AFG2A: variants seen among roughly 807,000 people sequenced by gnomAD.
AFG2A encodes the protein AAA ATPase AFG2A, also known as ATPase family gene 2 protein homolog A.
the AFG2A span, among the ~76,000 whole-genome samples, chr4:123,189,577 G>A: frequency 6.6e-6 from 1 of 152,006 alleles, no homozygotes; most frequent in Admixed American, 6.6e-5. Context: ...CTTTGCTCAT[G>A]AATCTTAAGA....
chr4:123,081,543 A>T, the AFG2A span, among the ~76,000 whole-genome samples: 1 of 152,202 alleles, frequency 6.6e-6, no homozygotes, highest in East Asian at 1.9e-4. Context: ...ACTGAAGGAC[A>T]TCTTGGTTGC....
At chr4:123,290,442 T>C in the AFG2A span, among the ~76,000 whole-genome samples, 1 of 152,224 alleles carries the variant, frequency 6.6e-6, no homozygotes, top group Admixed American at 6.5e-5. Flanking sequence ...GCACCATTTA[T>C]TGAAAAAGGT....
chr4:122,961,921 C>A, the AFG2A span, among the ~76,000 whole-genome samples: 2 of 152,170 alleles, frequency 1.3e-5, no homozygotes, highest in African/African-American at 4.8e-5. Flanking sequence ...GATAATCAGT[C>A]CAATTCAGTG....
chr4:123,107,694 G>A, the AFG2A span, among the ~76,000 whole-genome samples: 1 of 152,234 alleles, frequency 6.6e-6, no homozygotes, highest in Non-Finnish European at 1.5e-5. Flanking sequence ...CCCCCAGGCT[G>A]TTTGTGCCAA....
chr4:122,974,914 A>G, the AFG2A span, among the ~76,000 whole-genome samples: 1 of 152,180 alleles, frequency 6.6e-6, no homozygotes, highest in Non-Finnish European at 1.5e-5. Context: ...TGGTGGGATT[A>G]CAGGCATGAG....
chr4:123,201,592 C>T, the AFG2A span, among the ~76,000 whole-genome samples: 7 of 152,014 alleles, frequency 4.6e-5, no homozygotes, highest in East Asian at 7.7e-4. Flanking sequence ...AAATAGTGGC[C>T]GAGTTAATCT....
chr4:123,086,314 G>GT, the AFG2A span, among the ~76,000 whole-genome samples: 2 of 151,996 alleles, frequency 1.3e-5, no homozygotes, highest in African/African-American at 2.4e-5. Context: ...ACATTGGTGG[G>GT]TTTTTTTCTC....
chr4:123,254,988 G>T, the AFG2A span, among the ~76,000 whole-genome samples: 1 of 151,578 alleles, frequency 6.6e-6, no homozygotes, highest in Non-Finnish European at 1.5e-5. Flanking sequence ...TTTTTAAATG[G>T]AGTCTTATTC....
the AFG2A span, among the ~76,000 whole-genome samples, chr4:123,196,056 A>G: frequency 6.7e-6 from 1 of 150,350 alleles, no homozygotes; most frequent in Non-Finnish European, 1.5e-5. Context: ...GCTGGAGTGC[A>G]GTGGTGCATT....
the AFG2A span, among the ~76,000 whole-genome samples, chr4:122,997,729 A>C: frequency 2.0e-5 from 3 of 152,176 alleles, no homozygotes; most frequent in Non-Finnish European, 4.4e-5. Context: ...TATTTTCCAA[A>C]GTATCTGTAC....
At chr4:123,173,169 A>G in the AFG2A span, among the ~76,000 whole-genome samples, 1 of 151,948 alleles carries the variant, frequency 6.6e-6, no homozygotes, top group Non-Finnish European at 1.5e-5. Flanking sequence ...CTCCTGTCTC[A>G]TATGGATGCT....
chr4:123,104,734 C>G, the AFG2A span, among the ~76,000 whole-genome samples: 147 of 152,336 alleles, frequency 9.6e-4, no homozygotes, highest in Admixed American at 2.6e-4. Flanking sequence ...ATCAAACCAA[C>G]TACAGCATTC....
chr4:123,156,002 G>A, the AFG2A span, among the ~76,000 whole-genome samples: 1 of 152,304 alleles, frequency 6.6e-6, no homozygotes, highest in South Asian at 2.1e-4. Context: ...TCTGCAGGCT[G>A]TACAGGAAGC....
the AFG2A span, among the ~76,000 whole-genome samples, chr4:123,313,417 G>A: frequency 6.6e-6 from 1 of 152,218 alleles, no homozygotes. Context: ...TGAAAGGAAT[G>A]TGGAAACTCT....
chr4:123,028,158 T>G, the AFG2A span: 1 of 1,594,792 alleles, frequency 6.3e-7, no homozygotes, highest in Non-Finnish European at 8.6e-7. Context: ...TGGCAAAACT[T>G]ATATTTGGAA....
chr4:123,189,396 T>G, the AFG2A span, among the ~76,000 whole-genome samples: 42 of 152,332 alleles, frequency 2.8e-4, no homozygotes, highest in African/African-American at 1.0e-3. Context: ...TCTCATAAAT[T>G]GTTTCCTAGA....
chr4:123,127,466 A>C, the AFG2A span, among the ~76,000 whole-genome samples: 1 of 152,158 alleles, frequency 6.6e-6, no homozygotes, highest in Non-Finnish European at 1.5e-5. Context: ...TACTTTATAT[A>C]ATCAGTTTGT....
At chr4:123,171,895 T>C in the AFG2A span, among the ~76,000 whole-genome samples, 1 of 152,152 alleles carries the variant, frequency 6.6e-6, no homozygotes, top group Non-Finnish European at 1.5e-5. Context: ...CTAAAATTTT[T>C]ATTTTCTTTT....
the AFG2A span, among the ~76,000 whole-genome samples, chr4:123,117,887 A>C: frequency 1.3e-5 from 2 of 151,856 alleles, no homozygotes; most frequent in Non-Finnish European, 2.9e-5. Context: ...GGGACCAGCC[A>C]GGGCTACGCA....
Sources: allele counts gnomAD v4.1 joint callset (sites outside exome capture counted in the v4.1 genomes callset), GRCh38; gene constraint gnomAD v4.1.1; transcripts MANE v1.5; gene names NCBI Gene and HGNC (gene_info 2026-07-23, HGNC 2026-07-21).